Variants in FGD5 observed in about 807,000 individuals in gnomAD.
FGD5 encodes the protein FYVE, RhoGEF and PH domain containing 5.
Under a neutral mutation model 133.4 loss-of-function variants are expected in FGD5, and 28 were observed. The observed-to-expected ratio is 0.21, with a 90% CI of 0.16 to 0.29. The LOEUF (loss-of-function observed/expected upper bound fraction) is 0.29, where lower values mean the gene tolerates loss of function less well. Among genes scored for constraint, FGD5 ranks in the 10% least tolerant of loss-of-function variants. The pLI is 1.00. For synonymous variants in FGD5, 810 were observed against 776.5 expected, an observed-to-expected ratio of 1.04 and a Z score of -0.72; for missense variants, 1,858 against 1,895.2, an observed-to-expected ratio of 0.98 and a Z score of 0.36.
At chr3:14,848,911 G>A (rs571867484) in intron 1 of FGD5, among the ~76,000 whole-genome samples, 21 of 152,270 alleles carry the variant, frequency 1.4e-4, no homozygotes, top group African/African-American at 5.1e-4. Flanking sequence ...CTGGGCTCTA[G>A]GGACCAGCAG....
chr3:14,826,757 G>T (rs2036608038), intron 1 of FGD5, among the ~76,000 whole-genome samples: 1 of 152,134 alleles, frequency 6.6e-6, no homozygotes, highest in Admixed American at 6.5e-5. Flanking sequence ...ATTTCTGTCT[G>T]TCTGTCTGTC....
chr3:14,822,558 G>T (rs1433639105), intron 1 of FGD5, among the ~76,000 whole-genome samples: 1 of 151,632 alleles, frequency 6.6e-6, no homozygotes, highest in Non-Finnish European at 1.5e-5. Flanking sequence ...GAACAGCAGT[G>T]GGGGTGTTCT....
intron 4 of FGD5, among the ~76,000 whole-genome samples, chr3:14,892,900 A>G (rs57248999): frequency 0.019 from 2,956 of 152,166 alleles, 94 homozygotes; most frequent in African/African-American, 0.067. Context: ...CCAGCTCCCC[A>G]TCAGGGAGAC....
chr3:14,923,999 C>T lies in FGD5; in HGVS notation c.3938-9C>T, dbSNP rs753540295. On this transcript the variant is annotated splice_polypyrimidine_tract_variant and intron_variant, in intron 16 of 19. Transcript: ENST00000285046. ...CACCTCCCTTCCATGTGGCTTCTTT[C>T]AGTTACAGAGCGGCCTGTGAGCATG... The T allele has an allele frequency of 2.5e-5, 40 of 1,613,740 alleles. No homozygotes were observed. The highest frequency in any genetic ancestry group is 1.2e-4 in the African/African-American group (9 of 74,920).
chr3:14,915,580 A>C (rs1047963367), intron 11 of FGD5, among the ~76,000 whole-genome samples: 3 of 152,170 alleles, frequency 2.0e-5, no homozygotes, highest in Non-Finnish European at 4.4e-5. Flanking sequence ...TCTCTGGTTC[A>C]TGTTGGCACC....
At chr3:14,861,651 C>G (rs1313537933) in intron 1 of FGD5, among the ~76,000 whole-genome samples, 1 of 152,166 alleles carries the variant, frequency 6.6e-6, no homozygotes, top group Non-Finnish European at 1.5e-5. Context: ...CCTGTATCAC[C>G]CATGGCTCTG....
rs138741627 is a variant in FGD5, at chr3:14,893,752, CTTTTT to C, written c.2749-3741_2749-3737del. Reference sequence around the variant, plus strand: ...TTTCTTTTTCTTTCTTTTCTTTTTTCTTTTTTTTTTTTTTTTTTTTGAGACAGAGT... The same window carrying C: ...TTTCTTTTTCTTTCTTTTCTTTTTTCTTTTTTTTTTTTTTTGAGACAGAGT... On this transcript the variant is annotated intron_variant, in intron 4 of 19. Transcript: ENST00000285046. Among the ~76,000 whole-genome samples the C allele has an allele frequency of 5.2e-4, 49 of 95,060 alleles. 1 individual carries two copies. The highest frequency in any genetic ancestry group is 5.0e-3 in the East Asian group (15 of 3,022). 62.4% of individuals were successfully genotyped at this position (95,060 alleles called of 152,430 possible).
At chr3:14,823,905 A>T (rs2036553876) in intron 1 of FGD5, among the ~76,000 whole-genome samples, 1 of 152,260 alleles carries the variant, frequency 6.6e-6, no homozygotes. Flanking sequence ...GACAATAGGG[A>T]ATAAAATATC....
rs1216674358 is a variant in FGD5, at chr3:14,819,029, C to T, written c.-43C>T. On this transcript the variant is annotated 5_prime_UTR_variant, in exon 1 of 20. Transcript: ENST00000285046. This position sits in a 1 kb window ranked among gnomAD's most constrained non-coding sequence, Gnocchi z 4.1. ...TGACGCCAGTGACCGCGCCCAAATT[C>T]CCTTCCTCAGCCAGGCCCGAGAGTC... 6.7e-7 allele frequency: 1 copy of T among 1,498,262 alleles called. No individual in the cohort carries two copies. The highest frequency in any genetic ancestry group is 8.9e-7 in the Non-Finnish European group (1 of 1,123,072). 92.8% of individuals were successfully genotyped at this position (1,498,262 alleles called of 1,614,324 possible).
chr3:14,873,923 T>C (rs1363547184), intron 2 of FGD5, among the ~76,000 whole-genome samples: 1 of 152,010 alleles, frequency 6.6e-6, no homozygotes, highest in Non-Finnish European at 1.5e-5. Context: ...GGTTTCACCA[T>C]ATTTGTCAGG....
In FGD5 at chr3:14,898,756, C is replaced by A; in HGVS notation, c.3084C>A (p.Gly1028=). 6.3e-7 allele frequency: 1 copy of A among 1,585,296 alleles called. No individual in the cohort carries two copies. ...VREFEQSVQG[G]SQTAKHRLLR... ...GAGAGCAGCAGAGTGTACAAGGAGG[C>A]AGCCAGACTGCGAAGCATCGGCTGC... The change falls in exon 7 of 20, where the codon GGC becomes GGA. Residue 1028 remains glycine (G), a synonymous_variant. Transcript: ENST00000285046.
intron 2 of FGD5, among the ~76,000 whole-genome samples, chr3:14,874,354 AC>A (rs2037674773): frequency 6.6e-6 from 1 of 152,078 alleles, no homozygotes; most frequent in Non-Finnish European, 1.5e-5. Context: ...CCTCGTCTCT[AC>A]AAAAAATAAA....
chr3:14,892,881 C>T (rs941573672), intron 4 of FGD5, among the ~76,000 whole-genome samples: 2 of 151,776 alleles, frequency 1.3e-5, no homozygotes, highest in Admixed American at 1.3e-4. Flanking sequence ...AAATGTCTTG[C>T]CCCATAGTCC....
intron 4 of FGD5, among the ~76,000 whole-genome samples, chr3:14,883,251 G>A (rs1399786058): frequency 1.3e-5 from 2 of 152,140 alleles, no homozygotes; most frequent in East Asian, 1.9e-4. Context: ...GAGAATATGC[G>A]ACTGAGACCA....
intron 2 of FGD5, among the ~76,000 whole-genome samples, chr3:14,878,218 C>T (rs1437378126): frequency 6.6e-6 from 1 of 152,176 alleles, no homozygotes; most frequent in Admixed American, 6.5e-5. Flanking sequence ...TTATTCTCTA[C>T]CAGATCTCAG....
Position 14,819,003 on chromosome 3 carries a change from C to A in FGD5, c.-69C>A, listed in dbSNP as rs2036426231. 27 of 1,475,518 alleles carry A rather than the reference C, an allele frequency of 1.8e-5. No homozygotes were observed. Among genetic ancestry groups the A allele is most frequent in the Non-Finnish European group, 2.4e-5 (27 of 1,112,004 alleles). 91.4% of individuals were successfully genotyped at this position (1,475,518 alleles called of 1,614,324 possible). Reference sequence around the variant, plus strand: ...TCCCAAGCCAAAGACTACCAGTCCACTGACGCCAGTGACCGCGCCCAAATT... The same window carrying A: ...TCCCAAGCCAAAGACTACCAGTCCAATGACGCCAGTGACCGCGCCCAAATT... On this transcript the variant is annotated 5_prime_UTR_variant, in exon 1 of 20. It adds an upstream start codon to the 5' untranslated region. Coordinates refer to ENST00000285046, the MANE Select transcript of FGD5 (RefSeq NM_152536.4). The surrounding 1 kb of genome is among the most constrained non-coding windows in gnomAD (Gnocchi z 4.1).
chr3:14,852,982 C>T (rs1447322401), intron 1 of FGD5, among the ~76,000 whole-genome samples: 1 of 152,150 alleles, frequency 6.6e-6, no homozygotes, highest in South Asian at 2.1e-4. Flanking sequence ...CCAGCCTCCA[C>T]CTCAGTTTTA....
chr3:14,858,383 A>ATGGG (rs1187455068), intron 1 of FGD5, among the ~76,000 whole-genome samples: 1 of 151,760 alleles, frequency 6.6e-6, no homozygotes, highest in African/African-American at 2.4e-5. Flanking sequence ...GGATGGATGG[A>ATGGG]TGGATGGATG....
At chr3:14,817,522 C>A (rs1167899683), upstream of FGD5, among the ~76,000 whole-genome samples, 1 of 152,186 alleles carries the variant, frequency 6.6e-6, no homozygotes, top group Non-Finnish European at 1.5e-5. Context: ...AATGTGCCTA[C>A]AAGATAATTT....
Sources: allele counts gnomAD v4.1 joint callset (sites outside exome capture counted in the v4.1 genomes callset), GRCh38; gene constraint gnomAD v4.1.1; non-coding constraint Gnocchi (gnomAD v3.1); transcripts MANE v1.5; gene names NCBI Gene and HGNC (gene_info 2026-07-23, HGNC 2026-07-21).